The following ZSCAN18 variants were observed in gnomAD, a reference collection of about 807,000 sequenced individuals.
The protein encoded by ZSCAN18 is zinc finger and SCAN domain containing 18, also known as zinc finger and SCAN domain-containing protein 18.
In ZSCAN18, 16 loss-of-function variants were observed where a neutral mutation model predicts 31.1. The observed-to-expected ratio is 0.51, with a 90% CI of 0.35 to 0.78. The LOEUF (loss-of-function observed/expected upper bound fraction) is 0.78, where lower values mean the gene tolerates loss of function less well. Among genes scored for constraint, ZSCAN18 ranks in the 30% least tolerant of loss-of-function variants. ZSCAN18 has a pLI of 0.01. For synonymous variants in ZSCAN18, 375 were observed against 320.7 expected (o/e 1.17, Z -1.81); for missense variants, 731 against 697.4 (o/e 1.05, Z -0.54).
At chr19:58,086,699 C>T (rs2074287749) in intron 5 of ZSCAN18, 2 of 554,068 alleles carry the variant, frequency 3.6e-6, no homozygotes, top group Admixed American at 3.4e-5. Context: ...TTCAGTCCTA[C>T]AGGCAGGGCC....
intron 1 of ZSCAN18, among the ~76,000 whole-genome samples, chr19:58,104,514 C>T (rs1456371028): frequency 6.6e-6 from 1 of 151,814 alleles, no homozygotes; most frequent in African/African-American, 2.4e-5. Context: ...GCTTGGTCAA[C>T]GTGGCGAAAC....
At chr19:58,093,928 C>G (rs1184269857) in intron 1 of ZSCAN18, among the ~76,000 whole-genome samples, 1 of 151,882 alleles carries the variant, frequency 6.6e-6, no homozygotes, top group Non-Finnish European at 1.5e-5. Context: ...CCATGCCTAG[C>G]TAATTTTTGT....
In ZSCAN18 at chr19:58,088,705, G is replaced by A. The variant is rs181160754; in HGVS notation, c.536C>T (p.Pro179Leu). The part of the protein sequence containing the change: ...PSQALGAGEI[P>L]APSETPWLSP... ...GCACTCACGTGTCTCAGAAGGTGCC[G>A]GGATCTCCCCAGCTCCAAGGGCCTG... The change falls in exon 3 of 7, where the codon CCG (proline) becomes CTG (leucine). Residue 179 changes from proline to leucine, a missense_variant. Physicochemically the swap from Pro to Leu is moderately conservative, Grantham distance 98 (BLOSUM62 -3). Coordinates refer to ENST00000601144, the MANE Select transcript of ZSCAN18 (RefSeq NM_001145543.2). 187 of 1,610,292 alleles carry A rather than the reference G, an allele frequency of 1.2e-4. No individual in the cohort carries two copies. Among genetic ancestry groups the A allele is most frequent in the Middle Eastern group, 8.3e-4 (5 of 6,060 alleles).
chr19:58,118,304 A>G, exon 1 of ZSCAN18: 2 of 1,516,816 alleles, frequency 1.3e-6, no homozygotes, highest in Non-Finnish European at 1.8e-6. Context: ...GTGGGCGGGA[A>G]CGGAGGAAAC....
rs1002276032 is a variant in ZSCAN18 at position 58,084,474 on chromosome 19, G to C, written c.*211C>G. On this transcript the variant is annotated 3_prime_UTR_variant, in exon 7 of 7. Transcript: ENST00000601144. This position sits in a 1 kb window ranked among gnomAD's most constrained non-coding sequence, Gnocchi z 4.5. ...CCGGCGGCTCCCCTCGGATGCGAGC[G>C]CTGGCCCAGGGTGTGTTTACAGAGG... is the stretch of plus-strand genomic sequence containing the variant. 1 of 473,972 alleles carries C rather than the reference G, an allele frequency of 2.1e-6. No individual in the cohort carries two copies. The allele number at this position is 473,972 out of a possible 1,614,324, so 29.4% of individuals were successfully genotyped here.
rs777935727 is a variant in ZSCAN18 at position 58,084,653 on chromosome 19, G to A, written c.*32C>T. On this transcript the variant is annotated 3_prime_UTR_variant, in exon 7 of 7. Transcript: ENST00000601144. This position sits in a 1 kb window ranked among gnomAD's most constrained non-coding sequence, Gnocchi z 4.5. ...TCGTCTGGGATTCACGGCCGGCAAAGCGGCCCCTCCGGAACGGGACAGCAC... is the reference window on the plus strand; with the variant it reads ...TCGTCTGGGATTCACGGCCGGCAAAACGGCCCCTCCGGAACGGGACAGCAC... 2 of 1,440,694 alleles carry A rather than the reference G, an allele frequency of 1.4e-6. No homozygotes were observed. The highest frequency in any genetic ancestry group is 1.5e-5 in the African/African-American group (1 of 68,460). 89.2% of individuals were successfully genotyped at this position (1,440,694 alleles called of 1,614,324 possible).
upstream of ZSCAN18, among the ~76,000 whole-genome samples, chr19:58,100,897 A>G (rs184441634): frequency 3.3e-5 from 5 of 152,120 alleles, no homozygotes; most frequent in Admixed American, 3.3e-4. Flanking sequence ...AAAAAGATGA[A>G]ATGTAGGTTT....
rs186962894 is a variant in ZSCAN18, at chr19:58,092,823, G to C, written c.-119-2437C>G. On this transcript the variant is annotated intron_variant, in intron 1 of 6. Transcript: ENST00000601144. The stretch of plus-strand genomic sequence containing the variant: ...GGGTCTTACTCTGTCACCCAGGCTG[G>C]AGTGCAGTAGCATGATCATAGCTTA... 1.9e-3 allele frequency: 1,128 copies of C among 580,156 alleles called. 3 individuals are homozygous for C. The highest frequency in any genetic ancestry group is 2.3e-3 in the Non-Finnish European group (1,055 of 459,880). The allele number at this position is 580,156 out of a possible 1,614,324, so 35.9% of individuals were successfully genotyped here.
chr19:58,091,733 G>C (rs2074414828), intron 1 of ZSCAN18, among the ~76,000 whole-genome samples: 1 of 152,178 alleles, frequency 6.6e-6, no homozygotes, highest in Admixed American at 6.5e-5. Context: ...GGTCACAGCT[G>C]TCCAGGCCTC....
At chr19:58,108,402 G>C (rs889223668) in intron 1 of ZSCAN18, 11 of 985,338 alleles carry the variant, frequency 1.1e-5, no homozygotes, top group Non-Finnish European at 1.3e-5. Context: ...GCAGCTGAAG[G>C]TCTTCCCATA....
chr19:58,109,195 G>C lies in ZSCAN18; in HGVS notation c.130+9072C>G, dbSNP rs553422548. On this transcript the variant is annotated intron_variant, in intron 1 of 1. Coordinates refer to the ZSCAN18 transcript ENST00000595721. Reference sequence around the variant, plus strand: ...ACATTCCCAGACCTCTCCTAATGCAGATAAAACAGGAATCATCCCTGATGA... The same window carrying C: ...ACATTCCCAGACCTCTCCTAATGCACATAAAACAGGAATCATCCCTGATGA... 4.9e-6 allele frequency: 6 copies of C among 1,231,524 alleles called. No individual in the cohort carries two copies. The African/African-American group carries it at 9.3e-5, about 19-fold the overall frequency. The allele number at this position is 1,231,524 out of a possible 1,614,324, so 76.3% of individuals were successfully genotyped here. A position where few individuals can be genotyped will look rare whatever the true frequency, so the allele number is the denominator to read the frequency against.
chr19:58,086,601 C>G (rs3745126), intron 5 of ZSCAN18: 43,390 of 472,622 alleles, frequency 0.092, 3,087 homozygotes, highest in African/African-American at 0.25. Flanking sequence ...GACCCTTGAT[C>G]AGGCCATGCA....
chr19:58,107,811 G>A lies in ZSCAN18; in HGVS notation c.130+10456C>T, dbSNP rs749036166. 4.2e-5 allele frequency: 42 copies of A among 996,668 alleles called. No homozygotes were observed. In the Admixed American group the frequency reaches 1.0e-3, roughly 24 times the overall value. The allele number at this position is 996,668 out of a possible 1,614,324, so 61.7% of individuals were successfully genotyped here. A position where few individuals can be genotyped will look rare whatever the true frequency, so the allele number is the denominator to read the frequency against. On this transcript the variant is annotated intron_variant, in intron 1 of 1. Coordinates refer to the ZSCAN18 transcript ENST00000595721. ...GTTTCTAGCGAGAGCACAGATACTT[G>A]GGAAAACTTTCCCACACTAGACACA...
At chr19:58,095,692 G>A (rs1200506931) in intron 1 of ZSCAN18, among the ~76,000 whole-genome samples, 1 of 152,152 alleles carries the variant, frequency 6.6e-6, no homozygotes, top group Non-Finnish European at 1.5e-5. Context: ...GACACCCTCC[G>A]GCTGGGTCAC....
intron 5 of ZSCAN18, 120 bp downstream of exon 5, chr19:58,086,786 T>G (rs1385217974): frequency 1.4e-6 from 1 of 706,288 alleles, no homozygotes; most frequent in Non-Finnish European, 2.4e-6. Context: ...ACGTGCAAGT[T>G]CAAATCCTGT....
rs2074646758 is a variant in ZSCAN18 at position 58,107,767 on chromosome 19, G to T, written c.130+10500C>A. The T allele has an allele frequency of 4.0e-6, 4 of 991,518 alleles. No individual in the cohort carries two copies. In the Admixed American group the frequency reaches 1.8e-4, roughly 45 times the overall value. The allele number at this position is 991,518 out of a possible 1,614,324, so 61.4% of individuals were successfully genotyped here. On this transcript the variant is annotated intron_variant, in intron 1 of 1. Coordinates refer to the ZSCAN18 transcript ENST00000595721. The stretch of plus-strand genomic sequence containing the variant: ...GCTCACTGAATCCCCATAGGTCTCA[G>T]TCCAATGTGTCAACTCTGGTTTCTA...
chr19:58,085,526 T>C (rs1035057191), intron 6 of ZSCAN18, 147 bp from the exon 7 acceptor site: 2 of 693,120 alleles, frequency 2.9e-6, no homozygotes. Flanking sequence ...AGCAGCGCTG[T>C]CCCTCCCAGG....
chr19:58,098,147 C>T (rs1044623051), intron 1 of ZSCAN18, 27 bp downstream of exon 1: 2 of 985,534 alleles, frequency 2.0e-6, no homozygotes, highest in Non-Finnish European at 2.4e-6. Flanking sequence ...CTCTGACCCC[C>T]GCGCTGCATC....
chr19:58,098,791 TAC>T (rs1263774047), upstream of ZSCAN18, among the ~76,000 whole-genome samples: 1 of 151,974 alleles, frequency 6.6e-6, no homozygotes, highest in African/African-American at 2.4e-5. Flanking sequence ...TGGACAGAGA[TAC>T]AGAGACAGGG....
Sources: gnomAD v4.1 joint callset for allele counts (sites outside exome capture counted in the v4.1 genomes callset) on GRCh38, gnomAD v4.1.1 for gene constraint, Gnocchi (gnomAD v3.1) non-coding constraint, MANE v1.5 for transcripts, NCBI Gene and HGNC (gene_info 2026-07-23, HGNC 2026-07-21) for gene names.